Variants in PLCL1 observed in about 807,000 individuals in gnomAD.
The protein encoded by PLCL1 is inactive phospholipase C-like protein 1.
Under a neutral mutation model 84.4 loss-of-function variants are expected in PLCL1, and 41 were observed. The observed-to-expected ratio is 0.49, with a 90% CI of 0.38 to 0.63. The LOEUF is 0.63. PLCL1 is among the 30% of genes least tolerant of loss of function. PLCL1 has a pLI of 0.00. For missense variants in PLCL1, 1,206 were observed against 1,367.8 expected (o/e 0.88, Z 1.87); for synonymous variants, 490 against 488.3 (o/e 1.00, Z -0.05).
chr2:198,127,404 G>A (rs889122490), intron 5 of PLCL1, among the ~76,000 whole-genome samples: 8 of 152,024 alleles, frequency 5.3e-5, no homozygotes, highest in African/African-American at 1.7e-4. Context: ...CATATAAGAG[G>A]TATGGCTATT....
At chr2:198,010,764 AG>A (rs1690849979) in intron 1 of PLCL1, among the ~76,000 whole-genome samples, 1 of 151,394 alleles carries the variant, frequency 6.6e-6, no homozygotes, top group African/African-American at 2.4e-5. Flanking sequence ...TATTCAGAGA[AG>A]CCACATGGTC....
intron 1 of PLCL1, among the ~76,000 whole-genome samples, chr2:197,996,445 A>C (rs1690466777): frequency 6.6e-6 from 1 of 152,234 alleles, no homozygotes; most frequent in South Asian, 2.1e-4. Context: ...TTTGGAATTT[A>C]GTTAATAATA....
intron 1 of PLCL1, among the ~76,000 whole-genome samples, chr2:197,941,285 G>A (rs996889485): frequency 6.6e-6 from 1 of 151,630 alleles, no homozygotes; most frequent in Non-Finnish European, 1.5e-5. Context: ...TATCAATGAA[G>A]GGGAATACTA....
chr2:198,113,740 A>G (rs1693674870), intron 5 of PLCL1, among the ~76,000 whole-genome samples: 2 of 151,946 alleles, frequency 1.3e-5, no homozygotes, highest in South Asian at 2.1e-4. Context: ...GACCTCTTCA[A>G]CATGGTCTGG....
intron 1 of PLCL1, among the ~76,000 whole-genome samples, chr2:197,823,142 G>A (rs1379130216): frequency 2.6e-5 from 4 of 152,102 alleles, no homozygotes; most frequent in African/African-American, 7.2e-5. Flanking sequence ...CTCCCATCTT[G>A]GCCTCCCAAA....
intron 1 of PLCL1, among the ~76,000 whole-genome samples, chr2:198,062,859 C>G (rs1692234852): frequency 6.6e-6 from 1 of 152,132 alleles, no homozygotes; most frequent in Non-Finnish European, 1.5e-5. Flanking sequence ...AAGTTTGGGA[C>G]CAATGATGTA....
At chr2:198,096,341 C>G (rs1440084) in intron 3 of PLCL1, among the ~76,000 whole-genome samples, 83,393 of 152,036 alleles carry the variant, frequency 0.55, 25,703 homozygotes, top group African/African-American at 0.84. Flanking sequence ...AATTTTATTT[C>G]CAAATACATT....
At chr2:198,122,276 T>C (rs1424548058) in intron 5 of PLCL1, among the ~76,000 whole-genome samples, 2 of 152,136 alleles carry the variant, frequency 1.3e-5, no homozygotes, top group Non-Finnish European at 2.9e-5. Context: ...AAAGACACTT[T>C]AACTCCCTTT....
chr2:198,043,881 C>CTTTTTTTTT (rs397800019), intron 1 of PLCL1, among the ~76,000 whole-genome samples: 2 of 124,864 alleles, frequency 1.6e-5, no homozygotes, highest in African/African-American at 3.0e-5. Flanking sequence ...AATTCTTGTT[C>CTTTTTTTTT]TTTTTTTTTT....
At chr2:197,905,098 C>G (rs1243500232) in intron 1 of PLCL1, among the ~76,000 whole-genome samples, 1 of 152,028 alleles carries the variant, frequency 6.6e-6, no homozygotes, top group Non-Finnish European at 1.5e-5. Flanking sequence ...TTTTATTATA[C>G]TTTAAGTTCT....
intron 1 of PLCL1, among the ~76,000 whole-genome samples, chr2:198,011,492 A>G (rs1336972087): frequency 1.3e-5 from 2 of 152,006 alleles, no homozygotes; most frequent in Admixed American, 6.6e-5. Flanking sequence ...TATGATTTCA[A>G]TCTTCTTAAA....
intron 1 of PLCL1, among the ~76,000 whole-genome samples, chr2:197,846,586 T>C (rs1196629486): frequency 6.6e-6 from 1 of 152,108 alleles, no homozygotes; most frequent in Non-Finnish European, 1.5e-5. Flanking sequence ...GGGTTGTAAG[T>C]ATAAATAGGA....
intron 1 of PLCL1, among the ~76,000 whole-genome samples, chr2:197,906,245 A>G (rs1012583297): frequency 6.6e-6 from 1 of 151,912 alleles, no homozygotes; most frequent in African/African-American, 2.4e-5. Flanking sequence ...TTTTTGTGTA[A>G]GGTGTAAGGA....
At chr2:197,959,748 A>C (rs761941714) in intron 1 of PLCL1, among the ~76,000 whole-genome samples, 1 of 152,070 alleles carries the variant, frequency 6.6e-6, no homozygotes, top group African/African-American at 2.4e-5. Context: ...GGGAAAAAAA[A>C]CAACAACAAA....
intron 5 of PLCL1, among the ~76,000 whole-genome samples, chr2:198,138,323 A>C (rs1380318235): frequency 6.6e-6 from 1 of 152,112 alleles, no homozygotes; most frequent in Non-Finnish European, 1.5e-5. Context: ...AGCTAAGGGG[A>C]AGTGTTACAC....
chr2:198,086,544 C>T (rs1478734133), intron 2 of PLCL1, among the ~76,000 whole-genome samples: 2 of 152,088 alleles, frequency 1.3e-5, no homozygotes, highest in Admixed American at 1.3e-4. Flanking sequence ...TTACTTGAGC[C>T]TGGGAGGTCA....
chr2:197,865,763 A>G (rs765700637), intron 1 of PLCL1, among the ~76,000 whole-genome samples: 3 of 151,780 alleles, frequency 2.0e-5, no homozygotes, highest in Admixed American at 6.6e-5. Flanking sequence ...CTGTAATCCC[A>G]GCACTTTGGG....
At chr2:197,916,201 T>C (rs1688597670) in intron 1 of PLCL1, among the ~76,000 whole-genome samples, 1 of 152,222 alleles carries the variant, frequency 6.6e-6, no homozygotes, top group Admixed American at 6.5e-5. Context: ...CAGATAATAT[T>C]TGTTTTTGGT....
intron 1 of PLCL1, among the ~76,000 whole-genome samples, chr2:197,815,422 G>A (rs1215028278): frequency 6.6e-6 from 1 of 152,134 alleles, no homozygotes; most frequent in East Asian, 1.9e-4. Context: ...TGTGGACAAT[G>A]CACCTGGTCA....
Sources: gnomAD v4.1 joint callset for allele counts (sites outside exome capture counted in the v4.1 genomes callset) on GRCh38, gnomAD v4.1.1 for gene constraint, MANE v1.5 for transcripts, NCBI Gene and HGNC (gene_info 2026-07-23, HGNC 2026-07-21) for gene names.